XPR1: variants seen among roughly 807,000 people sequenced by gnomAD.
XPR1 encodes xenotropic and polytropic retrovirus receptor 1.
A neutral mutation model predicts 87.5 loss-of-function variants in XPR1; 28 were observed. The observed-to-expected ratio is 0.32, with a 90% CI of 0.24 to 0.44. XPR1 has a LOEUF of 0.44. Among genes scored for constraint, XPR1 ranks in the 20% least tolerant of loss-of-function variants. XPR1 has a pLI of 1.00. For missense variants in XPR1, 559 were observed against 862.3 expected (o/e 0.65, Z 4.41); for synonymous variants, 300 against 306.1 (o/e 0.98, Z 0.21).
intron 12 of XPR1, among the ~76,000 whole-genome samples, chr1:180,873,446 A>G (rs1378090298): frequency 1.3e-5 from 2 of 152,270 alleles, no homozygotes; most frequent in South Asian, 2.1e-4. Context: ...TATTAAGTCT[A>G]CTGTACCTGT....
chr1:180,723,274 C>T (rs12040252), intron 2 of XPR1, among the ~76,000 whole-genome samples: 2 of 152,168 alleles, frequency 1.3e-5, no homozygotes, highest in East Asian at 3.9e-4. Context: ...ATAACAGAAA[C>T]TTTACAACTT....
intron 1 of XPR1, among the ~76,000 whole-genome samples, chr1:180,646,307 G>A (rs1452352751): frequency 6.6e-6 from 1 of 152,182 alleles, no homozygotes; most frequent in East Asian, 1.9e-4. Flanking sequence ...CTTTATCAGT[G>A]TGGTTAGCCA....
At chr1:180,876,179 A>G (rs770881666) in intron 13 of XPR1, among the ~76,000 whole-genome samples, 4 of 152,260 alleles carry the variant, frequency 2.6e-5, no homozygotes, top group Non-Finnish European at 5.9e-5. Flanking sequence ...CAGCCAGCAT[A>G]ACTTTGATAT....
At chr1:180,848,522 C>T (rs542319984) in intron 11 of XPR1, among the ~76,000 whole-genome samples, 1 of 152,230 alleles carries the variant, frequency 6.6e-6, no homozygotes, top group African/African-American at 2.4e-5. Flanking sequence ...AATAGTATGC[C>T]ATTGTGTATA....
chr1:180,853,863 G>A (rs1039226392), intron 11 of XPR1, among the ~76,000 whole-genome samples: 1 of 140,326 alleles, frequency 7.1e-6, no homozygotes, highest in Admixed American at 7.7e-5. Context: ...AATTATCTGT[G>A]GTGATATTAC....
chr1:180,828,722 A>G (rs1650950881), intron 9 of XPR1, among the ~76,000 whole-genome samples: 1 of 152,208 alleles, frequency 6.6e-6, no homozygotes, highest in Non-Finnish European at 1.5e-5. Context: ...ACCTACATTC[A>G]GAGAAGTTAA....
At chr1:180,761,723 G>A (rs1648039514) in intron 2 of XPR1, among the ~76,000 whole-genome samples, 2 of 152,122 alleles carry the variant, frequency 1.3e-5, no homozygotes, top group South Asian at 4.1e-4. Flanking sequence ...CAATTCCTCA[G>A]GGATCTAGAA....
intron 2 of XPR1, among the ~76,000 whole-genome samples, chr1:180,785,947 A>AT (rs1476698514): frequency 6.0e-5 from 9 of 150,934 alleles, no homozygotes; most frequent in African/African-American, 2.2e-4. Context: ...TCAGCTTTAA[A>AT]AAAAAAAAAA....
chr1:180,885,247 C>T lies in XPR1; in HGVS notation c.*1181C>T, dbSNP rs1652976441. 2 of 152,562 alleles carry T rather than the reference C, an allele frequency of 1.3e-5. No homozygotes were observed. Among genetic ancestry groups the T allele is most frequent in the Non-Finnish European group, 2.9e-5 (2 of 68,028 alleles). The allele number at this position is 152,562 out of a possible 1,614,324, so 9.5% of individuals were successfully genotyped here. On this transcript the variant is annotated 3_prime_UTR_variant, in exon 15 of 15. Coordinates refer to ENST00000367590, the MANE Select transcript of XPR1 (RefSeq NM_004736.4). Reference sequence around the variant, plus strand: ...CATGGGGAAACTATATTTTTGAGCACATGGAACAAATTATACTTCCTCATT... The same window carrying T: ...CATGGGGAAACTATATTTTTGAGCATATGGAACAAATTATACTTCCTCATT...
At chr1:180,785,153 T>C (rs944539370) in intron 2 of XPR1, among the ~76,000 whole-genome samples, 2 of 151,584 alleles carry the variant, frequency 1.3e-5, no homozygotes, top group African/African-American at 4.8e-5. Context: ...CTCTCTCTCT[T>C]TTTTGTTTCC....
rs1653115366 is a variant in XPR1 at position 180,889,403 on chromosome 1, CAGAG to C, written c.*5338_*5341del. The C allele has an allele frequency of 6.6e-6, 1 of 152,232 alleles. No individual in the cohort carries two copies. The highest frequency in any genetic ancestry group is 2.4e-5 in the African/African-American group (1 of 41,452). 9.4% of individuals were successfully genotyped at this position (152,232 alleles called of 1,614,324 possible). A position where few individuals can be genotyped will look rare whatever the true frequency, so the allele number is the denominator to read the frequency against. On this transcript the variant is annotated 3_prime_UTR_variant, in exon 15 of 15. Coordinates refer to ENST00000367590, the MANE Select transcript of XPR1 (RefSeq NM_004736.4). ...CCCTTTCCTCTGTGCCACCACAAAT[CAGAG>C]GGAAAGACTGCAGTACTTCTAGAAA...
intron 1 of XPR1, among the ~76,000 whole-genome samples, chr1:180,678,841 A>T (rs1296338172): frequency 1.3e-5 from 2 of 152,204 alleles, no homozygotes; most frequent in Non-Finnish European, 2.9e-5. Context: ...TCTTTTCTTT[A>T]AAAGAGTGGG....
At chr1:180,775,721 T>A (rs559662698) in intron 2 of XPR1, among the ~76,000 whole-genome samples, 23 of 152,160 alleles carry the variant, frequency 1.5e-4, no homozygotes, top group African/African-American at 4.3e-4. Flanking sequence ...AGGCCTTCAG[T>A]TAAAAATACC....
intron 1 of XPR1, among the ~76,000 whole-genome samples, chr1:180,680,483 A>G (rs74764481): frequency 0.22 from 32,331 of 147,316 alleles, 3,637 homozygotes; most frequent in Middle Eastern, 0.3. Flanking sequence ...CTCCTGTCTC[A>G]GCCTCCCGAG....
intron 4 of XPR1, among the ~76,000 whole-genome samples, chr1:180,803,835 TATA>T (rs1010036323): frequency 1.1e-4 from 16 of 152,190 alleles, no homozygotes; most frequent in African/African-American, 3.6e-4. Flanking sequence ...AAAACTTTCC[TATA>T]ATATTTAATA....
chr1:180,846,216 C>A (rs1651674384), intron 11 of XPR1, among the ~76,000 whole-genome samples: 2 of 147,622 alleles, frequency 1.4e-5, no homozygotes, highest in Admixed American at 1.4e-4. Context: ...GAGCTGAGAT[C>A]ACGCCACTGC....
intron 1 of XPR1, among the ~76,000 whole-genome samples, chr1:180,661,971 C>G (rs1055338893): frequency 3.3e-5 from 5 of 152,294 alleles, no homozygotes; most frequent in African/African-American, 1.2e-4. Flanking sequence ...CTAATAAAAA[C>G]TCTACACTTT....
At chr1:180,849,104 T>TA (rs1181386079) in intron 11 of XPR1, among the ~76,000 whole-genome samples, 2 of 152,122 alleles carry the variant, frequency 1.3e-5, no homozygotes, top group African/African-American at 2.4e-5. Flanking sequence ...CGATTAAAGG[T>TA]AAAAAAAATT....
intron 2 of XPR1, among the ~76,000 whole-genome samples, chr1:180,735,939 C>T (rs749160848): frequency 6.6e-6 from 1 of 152,050 alleles, no homozygotes; most frequent in Non-Finnish European, 1.5e-5. Flanking sequence ...CATTCAGCAA[C>T]CAGTCATGAG....
Sources: allele counts gnomAD v4.1 joint callset (sites outside exome capture counted in the v4.1 genomes callset), GRCh38; gene constraint gnomAD v4.1.1; transcripts MANE v1.5; gene names NCBI Gene and HGNC (gene_info 2026-07-23, HGNC 2026-07-21).